Variants in PTPRS observed in about 807,000 individuals in gnomAD.
PTPRS encodes the protein receptor-type tyrosine-protein phosphatase S.
A neutral mutation model predicts 215.3 loss-of-function variants in PTPRS; 63 were observed. That is an observed-to-expected ratio of 0.29 (90% confidence interval 0.24 to 0.36). The LOEUF (loss-of-function observed/expected upper bound fraction) is 0.36. Among genes scored for constraint, PTPRS ranks in the 10% least tolerant of loss-of-function variants. The pLI is 1.00. For synonymous variants in PTPRS, 1,404 were observed against 1,191.4 expected (o/e 1.18, Z -3.68); for missense variants, 2,258 against 2,825.8 (o/e 0.80, Z 4.56).
chr19:5,290,324 T>C lies in PTPRS; in HGVS notation c.-94-4090A>G, dbSNP rs143583601. On this transcript the variant is annotated intron_variant, in intron 1 of 37. Transcript: ENST00000262963. ...ACTTGGGTCTAGAGCCCACGTTTAA[T>C]CTTGTGACTGTGTCTTTCTCTGGCC... 9.2e-3 allele frequency among the ~76,000 whole-genome samples: 1,395 copies of C among 152,296 alleles called. 17 individuals are homozygous for C. Among genetic ancestry groups the C allele is most frequent in the African/African-American group, 0.022 (915 of 41,566 alleles).
rs764110938 is a variant in PTPRS at position 5,245,834 on chromosome 19, G to A, written c.930C>T (p.Thr310=). ...CGCCCAGGCTGGACATGGCCACGCA[G>A]GTGTAGTTGGCCGAGTCCTTGACAT... is the stretch of plus-strand genomic sequence containing the variant. ...LTDVKDSANY[T]CVAMSSLGVI... is the part of the protein sequence containing the mutation. The change falls in exon 10 of 38, where the codon ACC becomes ACT. Residue 310 remains threonine (T), a synonymous_variant. Transcript: ENST00000262963. 20 of 1,613,598 alleles carry A rather than the reference G, an allele frequency of 1.2e-5. No homozygotes were observed. The Admixed American group carries it at 3.3e-4, about 27-fold the overall frequency.
At chr19:5,304,154 G>A (rs2049400586) in intron 1 of PTPRS, among the ~76,000 whole-genome samples, 1 of 151,994 alleles carries the variant, frequency 6.6e-6, no homozygotes. Flanking sequence ...GAGGCAGACA[G>A]GGGGCCCTGG....
chr19:5,266,241 A>G (rs1186841435), intron 4 of PTPRS, among the ~76,000 whole-genome samples: 3 of 150,252 alleles, frequency 2.0e-5, no homozygotes, highest in Non-Finnish European at 4.4e-5. Flanking sequence ...CCTGGGCGAC[A>G]GAGTGAGACT....
rs34962301 is a variant in PTPRS, at chr19:5,223,409, T to TGG, written c.2495-114_2495-113dup. On this transcript the variant is annotated intron_variant, in intron 17 of 37. Transcript: ENST00000262963. ...CCTTCAATATAACATTTTTTTGAGT[T>TGG]GGGGGGGGTCTTACTCTGTTGCCCA... The TGG allele has an allele frequency of 4.9e-3, 5,449 of 1,104,906 alleles. 15 individuals are homozygous for TGG. Among genetic ancestry groups the TGG allele is most frequent in the Non-Finnish European group, 5.2e-3 (4,313 of 834,944 alleles). The allele number at this position is 1,104,906 out of a possible 1,614,324, so 68.4% of individuals were successfully genotyped here. A position where few individuals can be genotyped will look rare whatever the true frequency, so the allele number is the denominator to read the frequency against.
intron 1 of PTPRS, among the ~76,000 whole-genome samples, chr19:5,302,795 C>T (rs530904885): frequency 3.4e-4 from 52 of 151,870 alleles, no homozygotes; most frequent in Non-Finnish European, 4.1e-4. Flanking sequence ...TGGTGGCTCA[C>T]GCCTGTAATC....
In PTPRS at chr19:5,322,100, C is replaced by T. The variant is rs188788071; in HGVS notation, c.-95+18564G>A. The stretch of plus-strand genomic sequence containing the variant: ...ACAGCCGGCAAGAGGCAGCACTGAG[C>T]CTCAAATCTGAGGTTTCCTGACCTG... On this transcript the variant is annotated intron_variant, in intron 1 of 37. Transcript: ENST00000262963. Among the ~76,000 whole-genome samples, 66 of 152,322 alleles carry T rather than the reference C, an allele frequency of 4.3e-4. 1 individual carries two copies. Among genetic ancestry groups the T allele is most frequent in the African/African-American group, 1.4e-3 (60 of 41,580 alleles).
intron 11 of PTPRS, among the ~76,000 whole-genome samples, chr19:5,243,194 G>T (rs1436314252): frequency 6.6e-6 from 1 of 151,400 alleles, no homozygotes; most frequent in Non-Finnish European, 1.5e-5. Context: ...GGATGCAATG[G>T]TGCGATCTTG....
Position 5,225,859 on chromosome 19 carries a change from G to C in PTPRS, c.2377-15C>G, listed in dbSNP as rs930265758. The C allele has an allele frequency of 1.2e-6, 2 of 1,607,996 alleles. No homozygotes were observed. Among genetic ancestry groups the C allele is most frequent in the African/African-American group, 1.3e-5 (1 of 74,870 alleles). On this transcript the variant is annotated splice_polypyrimidine_tract_variant and intron_variant, in intron 16 of 37. Coordinates refer to ENST00000262963, the MANE Select transcript of PTPRS (RefSeq NM_002850.4). Reference sequence around the variant, plus strand: ...ATGACCATCTCCTGCAGGCACGGCTGGGGGTCAGCACGACGGCTGGGGCTG... The same window carrying C: ...ATGACCATCTCCTGCAGGCACGGCTCGGGGTCAGCACGACGGCTGGGGCTG...
rs545658474 is a variant in PTPRS, at chr19:5,206,060, TA to T, written c.*713del. Reference sequence around the variant, plus strand: ...CACACTTTCTGATGGTAGGAAAAATTAAAAAAAAAAAAAAAAAAAAAAAAGC... The same window carrying T: ...CACACTTTCTGATGGTAGGAAAAATTAAAAAAAAAAAAAAAAAAAAAAAGC... On this transcript the variant is annotated 3_prime_UTR_variant, in exon 38 of 38. Transcript: ENST00000262963. 0.014 allele frequency among the ~76,000 whole-genome samples: 949 copies of T among 70,272 alleles called. 5 individuals carry two copies. The highest frequency in any genetic ancestry group is 0.071 in the Middle Eastern group (6 of 84). The allele number at this position is 70,272 out of a possible 152,430, so 46.1% of individuals were successfully genotyped here. A position where few individuals can be genotyped will look rare whatever the true frequency, so the allele number is the denominator to read the frequency against.
In PTPRS at chr19:5,240,340, G is replaced by T; in HGVS notation, c.1571-8C>A. The stretch of plus-strand genomic sequence containing the variant: ...TCATGGGCTGGCCCGGCACTGTGGG[G>T]GTGCAGGGAGACAACTAGGAGTCGG... On this transcript the variant is annotated splice_polypyrimidine_tract_variant and splice_region_variant and intron_variant, in intron 11 of 37. Coordinates refer to ENST00000262963, the MANE Select transcript of PTPRS (RefSeq NM_002850.4). The T allele has an allele frequency of 6.3e-7, 1 of 1,579,392 alleles. No homozygotes were observed. Among genetic ancestry groups the T allele is most frequent in the Non-Finnish European group, 8.6e-7 (1 of 1,163,704 alleles).
intron 16 of PTPRS, among the ~76,000 whole-genome samples, chr19:5,228,995 G>A (rs759747352): frequency 5.9e-5 from 9 of 152,224 alleles, no homozygotes; most frequent in Admixed American, 1.3e-4. Flanking sequence ...ACGGGCAGGA[G>A]AAGGACCCAG....
At chr19:5,233,027 G>A (rs1357009025) in intron 13 of PTPRS, among the ~76,000 whole-genome samples, 3 of 151,794 alleles carry the variant, frequency 2.0e-5, no homozygotes, top group Non-Finnish European at 2.9e-5. Context: ...CAGGCACCAC[G>A]CCAAGGGAAG....
chr19:5,276,927 G>C (rs1331760352), intron 2 of PTPRS, among the ~76,000 whole-genome samples: 1 of 151,950 alleles, frequency 6.6e-6, no homozygotes, highest in Non-Finnish European at 1.5e-5. Flanking sequence ...CATTAACATT[G>C]TTTCCTTTTT....
chr19:5,222,305 G>T, intron 18 of PTPRS, 85 bp from the exon 19 acceptor site: 2 of 1,182,990 alleles, frequency 1.7e-6, no homozygotes, highest in Non-Finnish European at 1.2e-6. Flanking sequence ...GCGGGGTGGG[G>T]TGGGGCGGCC....
At chr19:5,289,926 C>T (rs1255702579) in intron 1 of PTPRS, among the ~76,000 whole-genome samples, 1 of 152,344 alleles carries the variant, frequency 6.6e-6, no homozygotes, top group African/African-American at 2.4e-5. Flanking sequence ...CAGGCCAACC[C>T]TCCACCATGT....
intron 16 of PTPRS, among the ~76,000 whole-genome samples, chr19:5,227,571 C>G (rs1185325893): frequency 1.3e-5 from 2 of 152,050 alleles, no homozygotes; most frequent in Admixed American, 1.3e-4. Flanking sequence ...TGCGCCACCA[C>G]GCCTGGTTTT....
At chr19:5,313,921 A>ACT (rs575470857) in intron 1 of PTPRS, among the ~76,000 whole-genome samples, 22 of 148,104 alleles carry the variant, frequency 1.5e-4, no homozygotes, top group African/African-American at 4.5e-4. Flanking sequence ...ACACAGCAAG[A>ACT]CTCTCTCTCT....
In PTPRS at chr19:5,293,370, C is replaced by A. The variant is rs1430827648; in HGVS notation, c.-94-7136G>T. On this transcript the variant is annotated intron_variant, in intron 1 of 37. Coordinates refer to ENST00000262963, the MANE Select transcript of PTPRS (RefSeq NM_002850.4). This position sits in a 1 kb window ranked among gnomAD's most constrained non-coding sequence, Gnocchi z 8.4. ...GGCCCCGAGGAGGGGGATTGGGGGG[C>A]AGGGCGGGGCCCCGGCCGGAAGTGG... 2 of 139,894 alleles carry A rather than the reference C, an allele frequency of 1.4e-5. No homozygotes were observed. Among genetic ancestry groups the A allele is most frequent in the African/African-American group, 5.3e-5 (2 of 37,456 alleles). 8.7% of individuals were successfully genotyped at this position (139,894 alleles called of 1,614,324 possible). A position where few individuals can be genotyped will look rare whatever the true frequency, so the allele number is the denominator to read the frequency against.
chr19:5,321,775 T>C (rs975356929), intron 1 of PTPRS, among the ~76,000 whole-genome samples: 3 of 151,182 alleles, frequency 2.0e-5, no homozygotes, highest in Non-Finnish European at 4.4e-5. Flanking sequence ...TCCAGATGGG[T>C]AAACTGAGGC....
Sources: gnomAD v4.1 joint callset for allele counts (sites outside exome capture counted in the v4.1 genomes callset) on GRCh38, gnomAD v4.1.1 for gene constraint, Gnocchi (gnomAD v3.1) non-coding constraint, MANE v1.5 for transcripts, NCBI Gene and HGNC (gene_info 2026-07-23, HGNC 2026-07-21) for gene names.